The following STOX1 variants were observed in gnomAD, a reference collection of about 807,000 sequenced individuals.
STOX1 encodes storkhead-box protein 1.
A neutral mutation model predicts 74.8 loss-of-function variants in STOX1; 57 were observed. That is an observed-to-expected ratio of 0.76 (90% CI 0.62 to 0.95). The LOEUF (loss-of-function observed/expected upper bound fraction) is 0.95. STOX1 is among the 40% of genes least tolerant of loss of function. The pLI is 0.00. For synonymous variants in STOX1, 375 were observed against 401.3 expected (o/e 0.93, Z 0.78); for missense variants, 1,010 against 1,117.0 (o/e 0.90, Z 1.37).
chr10:68,832,791 T>A (rs899110122), intron 1 of STOX1, among the ~76,000 whole-genome samples: 7 of 151,936 alleles, frequency 4.6e-5, no homozygotes, highest in Non-Finnish European at 8.8e-5. Flanking sequence ...TGAGACAGAG[T>A]CTTGCTCTCT....
In STOX1 at chr10:68,863,429, G is replaced by GA. The variant is rs964375765; in HGVS notation, c.311-18519dup. Among the ~76,000 whole-genome samples, 578 of 147,934 alleles carry GA rather than the reference G, an allele frequency of 3.9e-3. 9 individuals carry two copies. Among genetic ancestry groups the GA allele is most frequent in the African/African-American group, 0.013 (520 of 40,172 alleles). ...CATAATAGGGCCAGATACCCAAAAG[G>GA]AAAAAAAAAACAGATGAGGAATGCA... is the stretch of plus-strand genomic sequence containing the variant. On this transcript the variant is annotated intron_variant, in intron 1 of 3. Coordinates refer to ENST00000298596, the MANE Select transcript of STOX1 (RefSeq NM_152709.5).
At chr10:68,865,344 T>C (rs2133568656) in intron 1 of STOX1, among the ~76,000 whole-genome samples, 1 of 152,288 alleles carries the variant, frequency 6.6e-6, no homozygotes, top group South Asian at 2.1e-4. Flanking sequence ...CTTTTAAATC[T>C]GTGACTATTA....
At chr10:68,853,151 C>T (rs1050772459) in intron 1 of STOX1, among the ~76,000 whole-genome samples, 7 of 152,080 alleles carry the variant, frequency 4.6e-5, no homozygotes, top group Non-Finnish European at 8.8e-5. Context: ...TCTCAAACTC[C>T]TGACCTCAGG....
At position 68,856,647 on chromosome 10, in the gene STOX1, T is replaced by A. The variant is rs959360735; in HGVS notation, c.311-25311T>A. Among the ~76,000 whole-genome samples the A allele has an allele frequency of 7.2e-5, 11 of 152,060 alleles. 1 individual carries two copies. Among genetic ancestry groups the A allele is most frequent in the African/African-American group, 2.7e-4 (11 of 41,350 alleles). On this transcript the variant is annotated intron_variant, in intron 1 of 3. Transcript: ENST00000298596. ...TAAGGATTAGAGGAGAACAGAAAAG[T>A]GTCTCCAAGTCAGTAGGCCAGACAC...
Position 68,870,686 on chromosome 10 carries a change from G to A in STOX1, c.311-11272G>A, listed in dbSNP as rs578117711. Among the ~76,000 whole-genome samples the A allele has an allele frequency of 1.4e-4, 22 of 152,296 alleles. No homozygotes were observed. In the South Asian group the frequency reaches 3.3e-3, roughly 23 times the overall value. On this transcript the variant is annotated intron_variant, in intron 1 of 3. Transcript: ENST00000298596. ...CAGAAGCAATGCAATGGAAGTGCACGTCAGAGAGTGTGGGCAGATTTAATT... is the reference window on the plus strand; with the variant it reads ...CAGAAGCAATGCAATGGAAGTGCACATCAGAGAGTGTGGGCAGATTTAATT...
rs200461358 is a variant in STOX1 at position 68,852,248 on chromosome 10, G to GATTTTTTT, written c.310+24315_310+24316insATTTTTTT. ...TATGAGTTTAAGTTTTTCTCTTACT[G>GATTTTTTT]CTTTTTTTTTTTTTTTTTTTTGAGA... On this transcript the variant is annotated intron_variant, in intron 1 of 3. Transcript: ENST00000298596. Among the ~76,000 whole-genome samples the GATTTTTTT allele has an allele frequency of 3.1e-4, 41 of 132,236 alleles. 2 individuals are homozygous for GATTTTTTT. Among genetic ancestry groups the GATTTTTTT allele is most frequent in the Non-Finnish European group, 3.9e-4 (24 of 62,210 alleles). The allele number at this position is 132,236 out of a possible 152,430, so 86.8% of individuals were successfully genotyped here. A position where few individuals can be genotyped will look rare whatever the true frequency, so the allele number is the denominator to read the frequency against.
At chr10:68,861,981 A>T (rs1225489542) in intron 1 of STOX1, among the ~76,000 whole-genome samples, 1 of 138,302 alleles carries the variant, frequency 7.2e-6, no homozygotes, top group Non-Finnish European at 1.6e-5. Context: ...GTATATTCCA[A>T]ACTAACTATC....
At chr10:68,878,654 A>G (rs1163930878) in intron 1 of STOX1, among the ~76,000 whole-genome samples, 3 of 152,238 alleles carry the variant, frequency 2.0e-5, no homozygotes, top group East Asian at 1.9e-4. Flanking sequence ...AATGGAAAGT[A>G]TAACAGCAAA....
chr10:68,827,642 C>G lies in STOX1; in HGVS notation c.19C>G (p.Leu7Val). Reference sequence around the variant, plus strand: ...CGAAAGCATGGCCCGGCCCGTGCAGCTGGCGCCGGGCTCGCTGGCGCTAGT... The same window carrying G: ...CGAAAGCATGGCCCGGCCCGTGCAGGTGGCGCCGGGCTCGCTGGCGCTAGT... Reference protein sequence around the residue: MARPVQLAPGSLALVLC... With the variant: MARPVQVAPGSLALVLC... The change falls in exon 1 of 4, where the codon CTG becomes GTG. Residue 7 changes from leucine (L) to valine (V), a missense_variant. Leu to Val is a conservative substitution (Grantham distance 32). Coordinates refer to ENST00000298596, the MANE Select transcript of STOX1 (RefSeq NM_152709.5). 8.7e-7 allele frequency: 1 copy of G among 1,145,658 alleles called. No individual in the cohort carries two copies. Among genetic ancestry groups the G allele is most frequent in the South Asian group, 4.0e-5 (1 of 24,710 alleles). The allele number at this position is 1,145,658 out of a possible 1,614,324, so 71.0% of individuals were successfully genotyped here. A position where few individuals can be genotyped will look rare whatever the true frequency, so the allele number is the denominator to read the frequency against.
chr10:68,884,760 A>G lies in STOX1; in HGVS notation c.964A>G (p.Arg322Gly). Residue 322 changes from arginine (R) to glycine (G), a missense_variant, in exon 3 of 4, where the codon AGA becomes GGA. By Grantham distance (125) the Arg-to-Gly change is moderately radical. Transcript: ENST00000298596. ...GFSLLWRSLS[R>G]KEKPKTEHSS... The stretch of plus-strand genomic sequence containing the variant: ...TAGTCTCTTATGGCGCAGCTTATCT[A>G]GAAAGGAGAAGCCCAAAACAGAACA... 2 of 1,614,248 alleles carry G rather than the reference A, an allele frequency of 1.2e-6. No homozygotes were observed. The highest frequency in any genetic ancestry group is 1.7e-6 in the Non-Finnish European group (2 of 1,180,036).
intron 1 of STOX1, among the ~76,000 whole-genome samples, chr10:68,839,505 A>G (rs1385799399): frequency 1.3e-5 from 2 of 152,238 alleles, no homozygotes; most frequent in African/African-American, 2.4e-5. Flanking sequence ...TTGGAAAGAA[A>G]AACACAGCTG....
intron 1 of STOX1, among the ~76,000 whole-genome samples, chr10:68,837,795 T>C (rs904916208): frequency 6.6e-6 from 1 of 152,228 alleles, no homozygotes; most frequent in Non-Finnish European, 1.5e-5. Flanking sequence ...GGTTGCCTCA[T>C]GTGTTGGTAG....
rs747038041 is a variant in STOX1 at position 68,888,627 on chromosome 10, A to ATTTT, written c.2822+2026_2822+2029dup. Among the ~76,000 whole-genome samples the ATTTT allele has an allele frequency of 9.0e-4, 97 of 107,802 alleles. 1 individual carries two copies. In the East Asian group the frequency reaches 0.013, roughly 14 times the overall value. The allele number at this position is 107,802 out of a possible 152,430, so 70.7% of individuals were successfully genotyped here. A position where few individuals can be genotyped will look rare whatever the true frequency, so the allele number is the denominator to read the frequency against. Reference sequence around the variant, plus strand: ...AAATTTGGTTCATATCTTTGCCAGTATTTTTTTTTTTTTTTTTTTTGCTTT... The same window carrying ATTTT: ...AAATTTGGTTCATATCTTTGCCAGTATTTTTTTTTTTTTTTTTTTTTTTTGCTTT... On this transcript the variant is annotated intron_variant, in intron 3 of 3. Coordinates refer to ENST00000298596, the MANE Select transcript of STOX1 (RefSeq NM_152709.5).
intron 1 of STOX1, among the ~76,000 whole-genome samples, chr10:68,866,936 G>A (rs1014186951): frequency 4.1e-5 from 6 of 145,304 alleles, no homozygotes; most frequent in African/African-American, 7.8e-5. Context: ...TTGGACCAAT[G>A]CTTTCCTTGT....
chr10:68,849,377 C>T (rs545375503), intron 1 of STOX1, among the ~76,000 whole-genome samples: 1 of 152,160 alleles, frequency 6.6e-6, no homozygotes, highest in South Asian at 2.1e-4. Flanking sequence ...TTCTCTTAGG[C>T]CAGTAATTCC....
intron 1 of STOX1, among the ~76,000 whole-genome samples, chr10:68,847,790 T>C (rs1839890296): frequency 6.6e-6 from 1 of 151,626 alleles, no homozygotes; most frequent in East Asian, 1.9e-4. Context: ...AGTGCAATAA[T>C]AGCATGATCT....
intron 1 of STOX1, among the ~76,000 whole-genome samples, chr10:68,876,452 G>A (rs1255327467): frequency 1.3e-5 from 2 of 151,854 alleles, no homozygotes; most frequent in African/African-American, 4.8e-5. Context: ...CACCACACCT[G>A]GCCAACAAAA....
chr10:68,866,214 G>A (rs936900559), intron 1 of STOX1, among the ~76,000 whole-genome samples: 17 of 151,872 alleles, frequency 1.1e-4, no homozygotes, highest in Non-Finnish European at 5.9e-5. Flanking sequence ...TTGTCCATTG[G>A]GCCCTTCACA....
intron 1 of STOX1, among the ~76,000 whole-genome samples, chr10:68,840,342 C>G (rs924755772): frequency 1.3e-5 from 2 of 152,138 alleles, no homozygotes; most frequent in African/African-American, 4.8e-5. Flanking sequence ...GTACAAGCAT[C>G]AACTATTTAT....
Sources: gnomAD v4.1 joint callset for allele counts (sites outside exome capture counted in the v4.1 genomes callset) on GRCh38, gnomAD v4.1.1 for gene constraint, MANE v1.5 for transcripts, NCBI Gene and HGNC (gene_info 2026-07-23, HGNC 2026-07-21) for gene names.